PRELP: variants seen among roughly 807,000 people sequenced by gnomAD.
PRELP encodes the protein proline and arginine rich end leucine rich repeat protein, also known as prolargin.
In PRELP, 16 loss-of-function variants were observed where a neutral mutation model predicts 22.8. That is an observed-to-expected ratio of 0.70 (90% CI 0.47 to 1.06). PRELP has a LOEUF of 1.06. Among genes scored for constraint, PRELP ranks in the 50% least tolerant of loss-of-function variants. PRELP has a pLI of 0.00. For synonymous variants in PRELP, 233 were observed against 211.4 expected (o/e 1.10, Z -0.89); for missense variants, 434 against 485.2 (o/e 0.89, Z 0.99).
intron 2 of PRELP, among the ~76,000 whole-genome samples, chr1:203,484,411 T>C (rs151067215): frequency 6.6e-6 from 1 of 152,350 alleles, no homozygotes; most frequent in East Asian, 1.9e-4. Context: ...GAGGATGTAA[T>C]AGTTTAATAT....
chr1:203,477,265 G>C (rs1660926923), intron 1 of PRELP, among the ~76,000 whole-genome samples: 1 of 152,192 alleles, frequency 6.6e-6, no homozygotes, highest in South Asian at 2.1e-4. Flanking sequence ...AGGGGCCTGA[G>C]AGAGAGCTTT....
chr1:203,483,104 CA>C lies in PRELP; in HGVS notation c.-16-60del. On this transcript the variant is annotated intron_variant, in intron 1 of 2. Transcript: ENST00000343110. This position sits in a 1 kb window ranked among gnomAD's most constrained non-coding sequence, Gnocchi z 4.4. ...CTCTAGTTCTGCCCAACTCTGGCTT[CA>C]AAAACATGACAACTAGTTACTGAGG... 7.3e-7 allele frequency: 1 copy of C among 1,369,004 alleles called. No individual in the cohort carries two copies. The highest frequency in any genetic ancestry group is 1.0e-6 in the Non-Finnish European group (1 of 1,002,990). The allele number at this position is 1,369,004 out of a possible 1,614,324, so 84.8% of individuals were successfully genotyped here.
chr1:203,477,861 A>G, intron 1 of PRELP, among the ~76,000 whole-genome samples: 1 of 152,226 alleles, frequency 6.6e-6, no homozygotes, highest in East Asian at 1.9e-4. Flanking sequence ...TTAGAAAGAC[A>G]GAACAAGCTT....
Position 203,490,908 on chromosome 1 carries a change from C to T in PRELP, c.*4027C>T, listed in dbSNP as rs1420835334. ...CATAGCAGCACATCCTTGAGGAACT[C>T]ATACCTTGGTAAAGGGAAAGAAATC... is the stretch of plus-strand genomic sequence containing the variant. On this transcript the variant is annotated 3_prime_UTR_variant, in exon 3 of 3. Transcript: ENST00000343110. The T allele has an allele frequency of 6.6e-6, 1 of 152,242 alleles. No individual in the cohort carries two copies. The allele number at this position is 152,242 out of a possible 1,614,324, so 9.4% of individuals were successfully genotyped here.
chr1:203,480,744 C>T (rs1389508074), intron 1 of PRELP, among the ~76,000 whole-genome samples: 2 of 152,182 alleles, frequency 1.3e-5, no homozygotes, highest in East Asian at 1.9e-4. Context: ...TAACTTGCTC[C>T]TGGGAGCATT....
chr1:203,486,399 C>T (rs1661091382), intron 2 of PRELP, among the ~76,000 whole-genome samples: 1 of 152,180 alleles, frequency 6.6e-6, no homozygotes, highest in Non-Finnish European at 1.5e-5. Context: ...ATCAGAACAC[C>T]ATCCCCCAGG....
chr1:203,479,391 G>A (rs1660960927), intron 1 of PRELP, among the ~76,000 whole-genome samples: 1 of 152,052 alleles, frequency 6.6e-6, no homozygotes, highest in South Asian at 2.1e-4. Context: ...ATAGGGAAGG[G>A]GGCTATCTCA....
In PRELP at chr1:203,489,631, A is replaced by G. The variant is rs551851492; in HGVS notation, c.*2750A>G. On this transcript the variant is annotated 3_prime_UTR_variant, in exon 3 of 3. Transcript: ENST00000343110. ...ATGAAAAACACCCTGCGTGAACTCA[A>G]CGGTGTGAACAGGTCAAGAATAACA... 2 of 152,258 alleles carry G rather than the reference A, an allele frequency of 1.3e-5. No homozygotes were observed. Among genetic ancestry groups the G allele is most frequent in the African/African-American group, 2.4e-5 (1 of 41,476 alleles). The allele number at this position is 152,258 out of a possible 1,614,324, so 9.4% of individuals were successfully genotyped here. A position where few individuals can be genotyped will look rare whatever the true frequency, so the allele number is the denominator to read the frequency against.
Position 203,475,826 on chromosome 1 carries a change from C to A in PRELP, c.-129C>A, listed in dbSNP as rs368773056. 6.6e-6 allele frequency: 1 copy of A among 152,462 alleles called. No individual in the cohort carries two copies. Among genetic ancestry groups the A allele is most frequent in the East Asian group, 1.9e-4 (1 of 5,152 alleles). The allele number at this position is 152,462 out of a possible 1,614,324, so 9.4% of individuals were successfully genotyped here. ...CAGGCAAACACAAGCACGCACACAC[C>A]ACTGGGAGATCAGATCTTCTAGCTG... On this transcript the variant is annotated 5_prime_UTR_variant, in exon 1 of 3. Coordinates refer to ENST00000343110, the MANE Select transcript of PRELP (RefSeq NM_002725.4).
Position 203,488,796 on chromosome 1 carries a change from G to C in PRELP, c.*1915G>C, listed in dbSNP as rs1025895858. 7 of 152,288 alleles carry C rather than the reference G, an allele frequency of 4.6e-5. No individual in the cohort carries two copies. The highest frequency in any genetic ancestry group is 1.7e-4 in the African/African-American group (7 of 41,518). 9.4% of individuals were successfully genotyped at this position (152,288 alleles called of 1,614,324 possible). A position where few individuals can be genotyped will look rare whatever the true frequency, so the allele number is the denominator to read the frequency against. On this transcript the variant is annotated 3_prime_UTR_variant, in exon 3 of 3. Transcript: ENST00000343110. ...CACCTTTCCCCCTAACTTCCTCCAA[G>C]GGATGCTGCCCCTTCTCAGCCCCCT...
intron 1 of PRELP, among the ~76,000 whole-genome samples, chr1:203,481,606 C>A (rs1661001241): frequency 6.6e-6 from 1 of 152,200 alleles, no homozygotes; most frequent in Admixed American, 6.5e-5. Flanking sequence ...TTGGAAGAGA[C>A]CACCTTAGAG....
Position 203,483,366 on chromosome 1 carries a change from C to T in PRELP, c.182C>T (p.Pro61Leu). Residue 61 changes from proline (P) to leucine (L), a missense_variant, in exon 2 of 3, where the codon CCC becomes CTC. Transcript: ENST00000343110. This position sits in a 1 kb window ranked among gnomAD's most constrained non-coding sequence, Gnocchi z 4.4. ...GCAGAGCCAACAGACCTGCCTCCTC[C>T]CCTCCCTCCAGGCCCTCCATCTATC... The part of the protein sequence containing the change: ...EPAEPTDLPP[P>L]LPPGPPSIFP... 1 of 1,614,150 alleles carries T rather than the reference C, an allele frequency of 6.2e-7. No individual in the cohort carries two copies. The highest frequency in any genetic ancestry group is 1.1e-5 in the South Asian group (1 of 91,078).
chr1:203,483,260 C>A lies in PRELP; in HGVS notation c.76C>A (p.Pro26Thr). 6.2e-6 allele frequency: 10 copies of A among 1,603,756 alleles called. No individual in the cohort carries two copies. Among genetic ancestry groups the A allele is most frequent in the Non-Finnish European group, 8.5e-6 (10 of 1,176,614 alleles). ...SVAQGQPTRR[P>T]RPGTGPGRRP... Reference sequence around the variant, plus strand: ...GGCCCAAGGCCAGCCAACAAGACGACCAAGACCCGGGACTGGGCCCGGGCG... The same window carrying A: ...GGCCCAAGGCCAGCCAACAAGACGAACAAGACCCGGGACTGGGCCCGGGCG... Residue 26 changes from proline to threonine, a missense_variant, in exon 2 of 3, where the codon CCA becomes ACA. Pro to Thr is a conservative substitution (Grantham distance 38). Transcript: ENST00000343110. The surrounding 1 kb of genome is among the most constrained non-coding windows in gnomAD (Gnocchi z 4.4).
At chr1:203,485,409 C>T (rs1258019751) in intron 2 of PRELP, among the ~76,000 whole-genome samples, 1 of 152,176 alleles carries the variant, frequency 6.6e-6, no homozygotes, top group Non-Finnish European at 1.5e-5. Flanking sequence ...CCACCCCATC[C>T]AGCCTGTCTC....
At position 203,488,345 on chromosome 1, in the gene PRELP, C is replaced by T. The variant is rs905563658; in HGVS notation, c.*1464C>T. 2.0e-5 allele frequency: 3 copies of T among 152,114 alleles called. No individual in the cohort carries two copies. Among genetic ancestry groups the T allele is most frequent in the Admixed American group, 6.5e-5 (1 of 15,276 alleles). The allele number at this position is 152,114 out of a possible 1,614,324, so 9.4% of individuals were successfully genotyped here. On this transcript the variant is annotated 3_prime_UTR_variant, in exon 3 of 3. Coordinates refer to ENST00000343110, the MANE Select transcript of PRELP (RefSeq NM_002725.4). ...ACCACCCTGGGCAACATGGTGAAAC[C>T]CCCGTCTCTACTAAAATACAAAAAA...
chr1:203,486,194 A>G (rs1245819344), intron 2 of PRELP, among the ~76,000 whole-genome samples: 2 of 152,190 alleles, frequency 1.3e-5, no homozygotes, highest in African/African-American at 4.8e-5. Context: ...GTATCCTGTT[A>G]ATAACATCGC....
At chr1:203,484,186 A>G (rs763151328) in intron 2 of PRELP, 29 bp downstream of exon 2, 1 of 1,594,586 alleles carries the variant, frequency 6.3e-7, no homozygotes, top group Non-Finnish European at 8.6e-7. Context: ...GGCGGGGCCG[A>G]AGGCAAGGAG....
chr1:203,477,454 G>A (rs1340206629), intron 1 of PRELP, among the ~76,000 whole-genome samples: 1 of 152,120 alleles, frequency 6.6e-6, no homozygotes, highest in Non-Finnish European at 1.5e-5. Flanking sequence ...ATATACCACA[G>A]AGGAACATTC....
At chr1:203,481,276 T>C (rs935138387) in intron 1 of PRELP, among the ~76,000 whole-genome samples, 2 of 152,174 alleles carry the variant, frequency 1.3e-5, no homozygotes, top group Non-Finnish European at 2.9e-5. Flanking sequence ...TTGAGGCTTT[T>C]AGAAATGTTT....
Sources: gnomAD v4.1 joint callset for allele counts (sites outside exome capture counted in the v4.1 genomes callset) on GRCh38, gnomAD v4.1.1 for gene constraint, Gnocchi (gnomAD v3.1) non-coding constraint, MANE v1.5 for transcripts, NCBI Gene and HGNC (gene_info 2026-07-23, HGNC 2026-07-21) for gene names.